FAM3B: variants seen among roughly 807,000 people sequenced by gnomAD.
FAM3B encodes protein FAM3B.
Under a neutral mutation model 28.4 loss-of-function variants are expected in FAM3B, and 29 were observed. The ratio of observed to expected loss-of-function variants is 1.02; its 90% confidence interval spans 0.76 to 1.39. The LOEUF is 1.39. Ranked by LOEUF, FAM3B falls within the 40% of genes most tolerant of loss-of-function variation. The probability of loss-of-function intolerance (pLI) is 0.00; values close to 1 mark genes in which losing one functional copy is unlikely to be tolerated. For synonymous variants in FAM3B, 91 were observed against 103.0 expected (o/e 0.88, Z 0.71); for missense variants, 266 against 293.9 (o/e 0.91, Z 0.69).
chr21:41,317,356 T>C (rs12627105), intron 1 of FAM3B, among the ~76,000 whole-genome samples: 58,580 of 150,736 alleles, frequency 0.39, 12,128 homozygotes, highest in East Asian at 0.68. Context: ...CCGCTGCCAG[T>C]TGGTAAGGCT....
intron 1 of FAM3B, among the ~76,000 whole-genome samples, chr21:41,322,346 A>C (rs1376877957): frequency 6.6e-6 from 1 of 152,174 alleles, no homozygotes; most frequent in Non-Finnish European, 1.5e-5. Flanking sequence ...CTGGCCCAGC[A>C]GGCACATCCG....
chr21:41,313,348 C>T (rs926905660), upstream of FAM3B, among the ~76,000 whole-genome samples: 1 of 152,224 alleles, frequency 6.6e-6, no homozygotes, highest in African/African-American at 2.4e-5. Flanking sequence ...TGGAAAGTTT[C>T]CCTTGCTCCA....
At chr21:41,324,969 G>A (rs1018632619) in intron 2 of FAM3B, among the ~76,000 whole-genome samples, 1 of 152,160 alleles carries the variant, frequency 6.6e-6, no homozygotes, top group Non-Finnish European at 1.5e-5. Flanking sequence ...GGACATGGTT[G>A]CAGGTGCCTG....
At chr21:41,318,553 A>G (rs758725991) in intron 1 of FAM3B, among the ~76,000 whole-genome samples, 2 of 152,212 alleles carry the variant, frequency 1.3e-5, no homozygotes, top group Non-Finnish European at 2.9e-5. Flanking sequence ...ATGACAGTGG[A>G]CACTGAGGCC....
intron 1 of FAM3B, among the ~76,000 whole-genome samples, chr21:41,307,183 G>A (rs192180391): frequency 6.6e-4 from 100 of 152,318 alleles, no homozygotes; most frequent in African/African-American, 1.8e-3. Flanking sequence ...ATCAGCACTT[G>A]CTGCCTTACC....
At chr21:41,352,263 T>C (rs74692838) in intron 7 of FAM3B, among the ~76,000 whole-genome samples, 311 of 152,284 alleles carry the variant, frequency 2.0e-3, no homozygotes, top group African/African-American at 7.3e-3. Context: ...GCTGTAACTT[T>C]CCACATGTGG....
chr21:41,356,852 T>G (rs1173645418), intron 7 of FAM3B, among the ~76,000 whole-genome samples: 1 of 152,224 alleles, frequency 6.6e-6, no homozygotes, highest in Non-Finnish European at 1.5e-5. Flanking sequence ...AGGTGATGGA[T>G]ATCCCAGTGA....
At chr21:41,322,816 C>T in intron 1 of FAM3B, 107 bp from the exon 2 acceptor site, 2 of 1,565,994 alleles carry the variant, frequency 1.3e-6, no homozygotes, top group African/African-American at 1.4e-5. Flanking sequence ...ATAGCGCAGT[C>T]CCCTGACACT....
chr21:41,315,743 A>T (rs1351671354), upstream of FAM3B, among the ~76,000 whole-genome samples: 1 of 152,158 alleles, frequency 6.6e-6, no homozygotes, highest in East Asian at 1.9e-4. Context: ...AACTGGAGGA[A>T]TAAAGCCACA....
intron 2 of FAM3B, among the ~76,000 whole-genome samples, 164 bp from the exon 3 acceptor site, chr21:41,338,214 T>C (rs1397187115): frequency 9.9e-5 from 15 of 152,190 alleles, no homozygotes; most frequent in Admixed American, 9.8e-4. Context: ...GCTTTGTGTC[T>C]TTAGGGGAAT....
intron 2 of FAM3B, among the ~76,000 whole-genome samples, chr21:41,330,576 C>T (rs2088896711): frequency 6.6e-6 from 1 of 152,204 alleles, no homozygotes; most frequent in South Asian, 2.1e-4. Context: ...CCAACATCTT[C>T]CCAAACCCCT....
intron 3 of FAM3B, among the ~76,000 whole-genome samples, chr21:41,340,984 G>A (rs1289417050): frequency 6.6e-6 from 1 of 151,942 alleles, no homozygotes; most frequent in African/African-American, 2.4e-5. Flanking sequence ...ATGTATACAT[G>A]TGAATATATG....
intron 1 of FAM3B, among the ~76,000 whole-genome samples, chr21:41,322,047 C>A (rs2088811615): frequency 1.3e-5 from 2 of 152,154 alleles, no homozygotes; most frequent in Admixed American, 1.3e-4. Flanking sequence ...CCCCAGTACC[C>A]ATCCTACTCA....
At chr21:41,351,640 T>A (rs1477538666) in intron 7 of FAM3B, among the ~76,000 whole-genome samples, 1 of 152,206 alleles carries the variant, frequency 6.6e-6, no homozygotes, top group Non-Finnish European at 1.5e-5. Context: ...GTACCCATGT[T>A]GGGAGGGCCT....
At chr21:41,323,804 G>A (rs927345061) in intron 2 of FAM3B, among the ~76,000 whole-genome samples, 1 of 152,176 alleles carries the variant, frequency 6.6e-6, no homozygotes, top group Non-Finnish European at 1.5e-5. Context: ...GTGAAGCAAG[G>A]GAGTGGGCCA....
intron 1 of FAM3B, chr21:41,320,969 C>T (rs2088798008): frequency 6.6e-6 from 1 of 152,190 alleles, no homozygotes; most frequent in Non-Finnish European, 1.5e-5. Context: ...GCTTGTTACA[C>T]ATTCAAAAGG....
At chr21:41,341,069 A>G (rs75055531) in intron 3 of FAM3B, among the ~76,000 whole-genome samples, 10,410 of 152,288 alleles carry the variant, frequency 0.068, 434 homozygotes, top group African/African-American at 0.1. Flanking sequence ...GTACACACAC[A>G]TTTATATCCT....
chr21:41,322,813 A>G, intron 1 of FAM3B, 110 bp from the exon 2 acceptor site: 4 of 1,545,246 alleles, frequency 2.6e-6, no homozygotes, highest in South Asian at 2.3e-5. Flanking sequence ...CCTATAGCGC[A>G]GTCCCCTGAC....
chr21:41,311,713 G>A (rs533364006), intron 1 of FAM3B, among the ~76,000 whole-genome samples: 6 of 152,182 alleles, frequency 3.9e-5, no homozygotes, highest in East Asian at 1.9e-4. Context: ...TGTTGTTTTC[G>A]TTGTAGGTGT....
Sources: gnomAD v4.1 joint callset for allele counts (sites outside exome capture counted in the v4.1 genomes callset) on GRCh38, gnomAD v4.1.1 for gene constraint, MANE v1.5 for transcripts, NCBI Gene and HGNC (gene_info 2026-07-23, HGNC 2026-07-21) for gene names.